The following NRXN1 variants were observed in gnomAD, a reference collection of about 807,000 sequenced individuals.
NRXN1 encodes the protein neurexin 1.
Under a neutral mutation model 150.9 loss-of-function variants are expected in NRXN1, and 39 were observed. The observed-to-expected ratio is 0.26, with a 90% CI of 0.20 to 0.34. NRXN1 has a LOEUF of 0.34. Ranked by LOEUF, NRXN1 falls within the 10% of genes least tolerant of loss-of-function variation. NRXN1 has a pLI of 1.00. For missense variants in NRXN1, 1,815 were observed against 1,949.9 expected (o/e 0.93, Z 1.30); for synonymous variants, 924 against 757.0 (o/e 1.22, Z -3.62).
chr2:50,580,592 C>T (rs777601528), intron 8 of NRXN1, among the ~76,000 whole-genome samples: 21 of 152,186 alleles, frequency 1.4e-4, no homozygotes, highest in South Asian at 4.1e-4. Context: ...CAGAGAGCTA[C>T]GTATGAACAA....
At chr2:50,952,850 G>A (rs1014318155) in intron 2 of NRXN1, among the ~76,000 whole-genome samples, 1 of 152,094 alleles carries the variant, frequency 6.6e-6, no homozygotes, top group East Asian at 1.9e-4. Context: ...TTTTACATAC[G>A]TTGCCATTTT....
At chr2:50,404,175 TTTGTTG>T (rs147734893) in intron 17 of NRXN1, among the ~76,000 whole-genome samples, 36 of 151,490 alleles carry the variant, frequency 2.4e-4, no homozygotes, top group East Asian at 9.8e-4. Flanking sequence ...TTTGTTTTGT[TTTGTTG>T]TTGTTGTTGT....
At chr2:50,388,106 A>C (rs1453637898) in intron 17 of NRXN1, among the ~76,000 whole-genome samples, 1 of 152,136 alleles carries the variant, frequency 6.6e-6, no homozygotes, top group Non-Finnish European at 1.5e-5. Context: ...TGAGTAAACC[A>C]TTTTGGAGAA....
chr2:50,167,362 T>A (rs1156422467), intron 18 of NRXN1, among the ~76,000 whole-genome samples: 1 of 152,058 alleles, frequency 6.6e-6, no homozygotes, highest in Non-Finnish European at 1.5e-5. Flanking sequence ...TCGCTCAACA[T>A]GAAGGCAAAA....
At chr2:50,856,363 G>C (rs1262612620) in intron 5 of NRXN1, among the ~76,000 whole-genome samples, 1 of 151,992 alleles carries the variant, frequency 6.6e-6, no homozygotes, top group African/African-American at 2.4e-5. Context: ...AAAGTCTAAG[G>C]AGACTGCTCA....
chr2:50,822,281 T>C (rs1350713595), intron 5 of NRXN1, among the ~76,000 whole-genome samples: 1 of 152,140 alleles, frequency 6.6e-6, no homozygotes, highest in Non-Finnish European at 1.5e-5. Context: ...TCTCTCAGTA[T>C]CTAAAACAAT....
chr2:50,427,108 C>A (rs1178241393), intron 17 of NRXN1, among the ~76,000 whole-genome samples: 1 of 152,102 alleles, frequency 6.6e-6, no homozygotes, highest in African/African-American at 2.4e-5. Flanking sequence ...AAATTACAAG[C>A]TATCTTGTTT....
intron 5 of NRXN1, among the ~76,000 whole-genome samples, chr2:50,891,276 G>C (rs1203535022): frequency 6.6e-6 from 1 of 152,048 alleles, no homozygotes; most frequent in African/African-American, 2.4e-5. Flanking sequence ...AGATGCAGAA[G>C]AAATAGAAAA....
At chr2:50,245,789 G>A (rs116286279) in intron 17 of NRXN1, among the ~76,000 whole-genome samples, 9 of 151,556 alleles carry the variant, frequency 5.9e-5, no homozygotes, top group South Asian at 4.2e-4. Context: ...ACTTACTGCC[G>A]AAATACTCTT....
Position 50,619,858 on chromosome 2 carries a change from G to A in NRXN1, c.1320+164C>T, listed in dbSNP as rs945724218. The A allele has an allele frequency of 3.8e-5, 20 of 526,912 alleles. No homozygotes were observed. The East Asian group carries it at 6.0e-4, about 16-fold the overall frequency. 32.6% of individuals were successfully genotyped at this position (526,912 alleles called of 1,614,324 possible). Reference sequence around the variant, plus strand: ...CTAATTCCTTCATAATGATCTATGAGCTGTTTCCCTCCCCCAATCCTACAT... The same window carrying A: ...CTAATTCCTTCATAATGATCTATGAACTGTTTCCCTCCCCCAATCCTACAT... On this transcript the variant is annotated intron_variant, in intron 8 of 22. Transcript: ENST00000401669.
intron 5 of NRXN1, among the ~76,000 whole-genome samples, chr2:50,812,145 G>T (rs1668303398): frequency 6.6e-6 from 1 of 151,860 alleles, no homozygotes; most frequent in Non-Finnish European, 1.5e-5. Flanking sequence ...ATTTGGTTTT[G>T]TACAGTATAC....
rs570111866 is a variant in NRXN1, at chr2:50,974,824, C to A, written c.773-48869G>T. Among the ~76,000 whole-genome samples, 6 of 152,078 alleles carry A rather than the reference C, an allele frequency of 3.9e-5. No homozygotes were observed. In the South Asian group the frequency reaches 1.0e-3, roughly 26 times the overall value. ...TAACTAAATACATGTGCTCACATAC[C>A]CACACACTCCCACGACTCATAATTA... is the stretch of plus-strand genomic sequence containing the variant. On this transcript the variant is annotated intron_variant, in intron 2 of 22. Coordinates refer to ENST00000401669, the MANE Select transcript of NRXN1 (RefSeq NM_001330078.2).
At chr2:50,915,474 C>G (rs959664142) in intron 5 of NRXN1, among the ~76,000 whole-genome samples, 5 of 151,602 alleles carry the variant, frequency 3.3e-5, no homozygotes, top group African/African-American at 1.2e-4. Context: ...AAGCCTATTT[C>G]ATCCTCATTA....
intron 19 of NRXN1, among the ~76,000 whole-genome samples, chr2:50,088,083 C>T (rs1344927310): frequency 2.6e-5 from 4 of 152,144 alleles, no homozygotes; most frequent in Non-Finnish European, 4.4e-5. Flanking sequence ...AGCTGTTCTT[C>T]TAATAAAAAT....
At chr2:51,026,964 C>G (rs533538847) in intron 2 of NRXN1, among the ~76,000 whole-genome samples, 3 of 152,182 alleles carry the variant, frequency 2.0e-5, no homozygotes, top group African/African-American at 4.8e-5. Context: ...GAGCACTGCC[C>G]GTGAACCCTG....
chr2:50,531,169 G>T, intron 11 of NRXN1, 58 bp downstream of exon 11: 1 of 1,265,718 alleles, frequency 7.9e-7, no homozygotes, highest in Non-Finnish European at 1.1e-6. Flanking sequence ...AATGTTTGCA[G>T]GCAAATTGAA....
At chr2:50,728,079 A>G (rs1697616717) in intron 5 of NRXN1, among the ~76,000 whole-genome samples, 1 of 152,182 alleles carries the variant, frequency 6.6e-6, no homozygotes, top group Non-Finnish European at 1.5e-5. Flanking sequence ...AACAATATCC[A>G]TGATGCAAAT....
At chr2:50,030,100 C>A (rs1198710565) in intron 21 of NRXN1, among the ~76,000 whole-genome samples, 1 of 152,084 alleles carries the variant, frequency 6.6e-6, no homozygotes, top group Non-Finnish European at 1.5e-5. Flanking sequence ...GAAAGAGGGT[C>A]TCTTTGGTTG....
chr2:50,740,279 A>C (rs557952190), intron 5 of NRXN1, among the ~76,000 whole-genome samples: 1 of 152,280 alleles, frequency 6.6e-6, no homozygotes, highest in African/African-American at 2.4e-5. Context: ...GGCCAATGAC[A>C]CTGGAGGAAA....
Sources: allele counts gnomAD v4.1 joint callset (sites outside exome capture counted in the v4.1 genomes callset), GRCh38; gene constraint gnomAD v4.1.1; transcripts MANE v1.5; gene names NCBI Gene and HGNC (gene_info 2026-07-23, HGNC 2026-07-21).